The following SH2D3C variants were observed in gnomAD, a reference collection of about 807,000 sequenced individuals.
The protein encoded by SH2D3C is SH2 domain containing 3C, also known as SH2 domain-containing protein 3C.
SH2D3C carries 25 observed loss-of-function variants against 75.2 expected under a neutral mutation model. The ratio of observed to expected loss-of-function variants is 0.33; its 90% CI spans 0.24 to 0.46. The LOEUF (loss-of-function observed/expected upper bound fraction) is 0.46, where lower values mean the gene tolerates loss of function less well. Among genes scored for constraint, SH2D3C ranks in the 20% least tolerant of loss-of-function variants. The pLI is 1.00. For missense variants in SH2D3C, 933 were observed against 1,165.3 expected (o/e 0.80, Z 2.90); for synonymous variants, 450 against 473.7 (o/e 0.95, Z 0.65).
intron 4 of SH2D3C, among the ~76,000 whole-genome samples, chr9:127,750,478 C>T (rs1022275329): frequency 1.1e-4 from 17 of 152,166 alleles, no homozygotes; most frequent in Admixed American, 2.6e-4. Context: ...TCCTATCCAC[C>T]TCACAAAGGC....
chr9:127,758,118 G>A (rs1261293969), intron 3 of SH2D3C, among the ~76,000 whole-genome samples: 10 of 151,830 alleles, frequency 6.6e-5, no homozygotes, highest in African/African-American at 1.7e-4. Context: ...GTGAGCCACC[G>A]CACCCAGCCT....
intron 8 of SH2D3C, 105 bp downstream of exon 8, chr9:127,742,744 C>T (rs1844900799): frequency 1.3e-6 from 1 of 774,490 alleles, no homozygotes; most frequent in South Asian, 1.8e-5. Context: ...GCCAGAGCCC[C>T]CTGGGAGCCG....
chr9:127,761,676 A>G (rs1845530355), intron 2 of SH2D3C, 26 bp from the exon 3 acceptor site: 1 of 1,606,274 alleles, frequency 6.2e-7, no homozygotes, highest in Non-Finnish European at 8.5e-7. Context: ...ACAAGTGAGC[A>G]TCCCCAGCCC....
At chr9:127,762,106 A>C in intron 2 of SH2D3C, 1 of 844,450 alleles carries the variant, frequency 1.2e-6, no homozygotes, top group Non-Finnish European at 1.5e-6. Context: ...AGTGGGGATC[A>C]GCCCGTCCTC....
intron 2 of SH2D3C, among the ~76,000 whole-genome samples, chr9:127,764,673 C>T (rs1456138812): frequency 2.0e-5 from 3 of 152,120 alleles, no homozygotes; most frequent in Non-Finnish European, 4.4e-5. Context: ...GCAGATATCC[C>T]CCGGGTTCCC....
intron 2 of SH2D3C, among the ~76,000 whole-genome samples, chr9:127,770,433 A>G (rs1306709197): frequency 2.6e-5 from 4 of 152,190 alleles, no homozygotes; most frequent in African/African-American, 9.7e-5. Context: ...AGACCATCTC[A>G]GGCCCATCTG....
Position 127,745,117 on chromosome 9 carries a change from G to GA in SH2D3C, c.1265-19dup. On this transcript the variant is annotated intron_variant, in intron 6 of 11. Transcript: ENST00000314830. ...ACGGGTTACTGCAGAAAGGTAGAGA[G>GA]AGAGGCCCCGTTATAGCAGCTCCCC... 6.7e-7 allele frequency: 1 copy of GA among 1,482,854 alleles called. No homozygotes were observed. Among genetic ancestry groups the GA allele is most frequent in the Non-Finnish European group, 8.9e-7 (1 of 1,120,772 alleles). 91.9% of individuals were successfully genotyped at this position (1,482,854 alleles called of 1,614,324 possible).
intron 7 of SH2D3C, among the ~76,000 whole-genome samples, chr9:127,744,216 G>A (rs760635326): frequency 1.5e-4 from 22 of 151,606 alleles, no homozygotes; most frequent in Non-Finnish European, 2.2e-4. Context: ...GATTACAGGC[G>A]CCCACCACGA....
Position 127,746,096 on chromosome 9 carries a change from G to C in SH2D3C, c.1265-997C>G, listed in dbSNP as rs1248743784. Among the ~76,000 whole-genome samples the C allele has an allele frequency of 2.0e-5, 3 of 152,186 alleles. No homozygotes were observed. In the East Asian group the frequency reaches 5.8e-4, roughly 29 times the overall value. ...CTGAGATTTAAGTCTTGACATCTGGGCTGCTTTACTATACCAGATTGCTTA... is the reference window on the plus strand; with the variant it reads ...CTGAGATTTAAGTCTTGACATCTGGCCTGCTTTACTATACCAGATTGCTTA... On this transcript the variant is annotated intron_variant, in intron 6 of 11. Transcript: ENST00000314830.
chr9:127,762,518 T>A, intron 2 of SH2D3C: 1 of 451,330 alleles, frequency 2.2e-6, no homozygotes, highest in South Asian at 1.6e-5. Flanking sequence ...TCCTCTTTCC[T>A]GCAGCTTTGG....
intron 2 of SH2D3C, among the ~76,000 whole-genome samples, chr9:127,764,868 G>A (rs1275525527): frequency 2.0e-5 from 3 of 151,748 alleles, no homozygotes; most frequent in East Asian, 3.9e-4. Flanking sequence ...CCACCACGCC[G>A]GGCTAATTTT....
In SH2D3C at chr9:127,742,031, CTGTGGT is replaced by C. The variant is rs3217145; in HGVS notation, c.1917-78_1917-73del. On this transcript the variant is annotated intron_variant, in intron 8 of 11. Coordinates refer to ENST00000314830, the MANE Select transcript of SH2D3C (RefSeq NM_170600.3). ...GAGGGGTGCGGGCCTGGGGCGCTGC[CTGTGGT>C]TGGGCCGGGAGAGGCGGAGGGCGGA... The C allele has an allele frequency of 4.4e-3, 6,345 of 1,453,804 alleles. 320 individuals are homozygous for C. The Admixed American group carries it at 0.097, about 22-fold the overall frequency. The allele number at this position is 1,453,804 out of a possible 1,614,324, so 90.1% of individuals were successfully genotyped here.
chr9:127,765,139 G>C (rs1845609348), intron 2 of SH2D3C, among the ~76,000 whole-genome samples: 1 of 152,000 alleles, frequency 6.6e-6, no homozygotes, highest in African/African-American at 2.4e-5. Context: ...CTCCCAAAGT[G>C]CTGGGATTAC....
chr9:127,747,204 G>C lies in SH2D3C; in HGVS notation c.1207C>G (p.Leu403Val), dbSNP rs754097500. 6 of 1,614,044 alleles carry C rather than the reference G, an allele frequency of 3.7e-6. No individual in the cohort carries two copies. The South Asian group carries it at 5.5e-5, about 15-fold the overall frequency. ...GAGATGGGCGACATGGGTGAGTGCA[G>C]GTCTGGGATCTGGTCCATGCTGAGG... The part of the protein sequence containing the change: ...CALSMDQIPD[L>V]HSPMSPISES... Residue 403 changes from leucine to valine, a missense_variant, in exon 6 of 12, where the codon CTG becomes GTG. Coordinates refer to ENST00000314830, the MANE Select transcript of SH2D3C (RefSeq NM_170600.3).
chr9:127,769,371 G>A (rs183656719), intron 2 of SH2D3C, among the ~76,000 whole-genome samples: 21 of 152,252 alleles, frequency 1.4e-4, no homozygotes, highest in African/African-American at 2.2e-4. Context: ...GGCTGGGTGC[G>A]GTGGCTCACG....
At chr9:127,743,460 G>T (rs529254129) in intron 7 of SH2D3C, among the ~76,000 whole-genome samples, 1 of 152,154 alleles carries the variant, frequency 6.6e-6, no homozygotes, top group African/African-American at 2.4e-5. Context: ...CCGATATCAC[G>T]CCACTGCACT....
chr9:127,752,973 G>C (rs973331443), intron 3 of SH2D3C, among the ~76,000 whole-genome samples: 1 of 152,136 alleles, frequency 6.6e-6, no homozygotes, highest in African/African-American at 2.4e-5. Context: ...GGTGGAGAGG[G>C]CAGGTGGACA....
At chr9:127,766,595 A>G (rs759379238) in intron 2 of SH2D3C, among the ~76,000 whole-genome samples, 1 of 152,002 alleles carries the variant, frequency 6.6e-6, no homozygotes, top group Non-Finnish European at 1.5e-5. Context: ...TTTGAGATGG[A>G]GTCTTGCTCT....
At chr9:127,745,216 G>T in intron 6 of SH2D3C, 117 bp from the exon 7 acceptor site, 1 of 784,012 alleles carries the variant, frequency 1.3e-6, no homozygotes, top group Non-Finnish European at 1.8e-6. Flanking sequence ...CAGAGGTGAT[G>T]TCCCCACCTC....
Sources: gnomAD v4.1 joint callset for allele counts (sites outside exome capture counted in the v4.1 genomes callset) on GRCh38, gnomAD v4.1.1 for gene constraint, MANE v1.5 for transcripts, NCBI Gene and HGNC (gene_info 2026-07-23, HGNC 2026-07-21) for gene names.